Variants in DLD observed in about 807,000 individuals in gnomAD.
The protein encoded by DLD is dihydrolipoyl dehydrogenase, mitochondrial.
In DLD, 36 loss-of-function variants were observed where a neutral mutation model predicts 62.2. The ratio of observed to expected loss-of-function variants is 0.58; its 90% CI spans 0.44 to 0.76. The LOEUF is 0.76. Among genes scored for constraint, DLD ranks in the 30% least tolerant of loss-of-function variants. DLD has a pLI of 0.00. For synonymous variants in DLD, 204 were observed against 199.6 expected (o/e 1.02, Z -0.19); for missense variants, 541 against 608.6 (o/e 0.89, Z 1.17).
At chr7:107,909,839 C>CTTTTTTTTTTTTTTTT (rs71134292) in intron 8 of DLD, among the ~76,000 whole-genome samples, 1 of 73,052 alleles carries the variant, frequency 1.4e-5, no homozygotes, top group African/African-American at 6.5e-5. Context: ...GGAGAATTAA[C>CTTTTTTTTTTTTTTTT]TTTTTTTTTT....
At chr7:107,903,097 A>C (rs958061132) in intron 4 of DLD, among the ~76,000 whole-genome samples, 1 of 152,182 alleles carries the variant, frequency 6.6e-6, no homozygotes, top group Non-Finnish European at 1.5e-5. Flanking sequence ...TTGTGATGAG[A>C]ACATTTGAAA....
intron 2 of DLD, among the ~76,000 whole-genome samples, chr7:107,898,220 A>G (rs901585521): frequency 1.1e-4 from 17 of 148,454 alleles, no homozygotes; most frequent in Admixed American, 1.1e-3. Flanking sequence ...CCACTTTTCC[A>G]TCAGGTTTGC....
chr7:107,903,661 TAA>T (rs973224187), intron 5 of DLD, 114 bp downstream of exon 5: 4 of 597,958 alleles, frequency 6.7e-6, no homozygotes, highest in Non-Finnish European at 1.2e-5. Context: ...GAAGGAAGAG[TAA>T]AATAAATAAT....
At chr7:107,900,584 A>C (rs2031853221) in intron 2 of DLD, among the ~76,000 whole-genome samples, 1 of 152,120 alleles carries the variant, frequency 6.6e-6, no homozygotes, top group South Asian at 2.1e-4. Flanking sequence ...ATTTTAGTTT[A>C]TGATGGTTAA....
chr7:107,919,281 TTTTCTG>T lies in DLD; in HGVS notation c.*23_*28del, dbSNP rs2032352221. On this transcript the variant is annotated 3_prime_UTR_variant, in exon 14 of 14. Coordinates refer to ENST00000205402, the MANE Select transcript of DLD (RefSeq NM_000108.5). ...TTGAATTAGAAGATTATATATATTT[TTTTCTG>T]AAATTTCCTGGGAGCTTTTGTAGAA... 1.3e-6 allele frequency: 2 copies of T among 1,573,852 alleles called. No homozygotes were observed. The highest frequency in any genetic ancestry group is 1.7e-6 in the Non-Finnish European group (2 of 1,152,580).
Position 107,891,184 on chromosome 7 carries a change from T to G in DLD, c.-67T>G. On this transcript the variant is annotated 5_prime_UTR_variant, in exon 1 of 14. Transcript: ENST00000205402. The stretch of plus-strand genomic sequence containing the variant: ...TGTGCATGCGCAGGGAGGGGAGACC[T>G]TGGCGGAGCGGCGGAGGCGCCCAGC... The G allele has an allele frequency of 6.3e-7, 1 of 1,599,522 alleles. No homozygotes were observed. The highest frequency in any genetic ancestry group is 8.6e-7 in the Non-Finnish European group (1 of 1,167,968).
chr7:107,916,777 C>T lies in DLD; in HGVS notation c.876-17C>T, dbSNP rs1001072632. 6.2e-7 allele frequency: 1 copy of T among 1,611,348 alleles called. No homozygotes were observed. Among genetic ancestry groups the T allele is most frequent in the African/African-American group, 1.3e-5 (1 of 74,706 alleles). On this transcript the variant is annotated splice_polypyrimidine_tract_variant and intron_variant, in intron 9 of 13. Transcript: ENST00000205402. ...TGTAGGTGTGTATTTAACATTTATA[C>T]ACTGTTTGTTATCTAGTATTGAAGC...
intron 8 of DLD, among the ~76,000 whole-genome samples, chr7:107,909,631 A>G (rs2032090353): frequency 1.3e-5 from 2 of 152,140 alleles, no homozygotes; most frequent in South Asian, 2.1e-4. Flanking sequence ...TGTTTGGAAC[A>G]CTTGTGGTAG....
intron 13 of DLD, 34 bp downstream of exon 13, chr7:107,919,133 C>A: frequency 6.2e-7 from 1 of 1,611,530 alleles, no homozygotes; most frequent in Non-Finnish European, 8.5e-7. Context: ...TTGATGGTTG[C>A]CTAAATTTTC....
chr7:107,894,683 C>T (rs1010665398), intron 2 of DLD, among the ~76,000 whole-genome samples: 1 of 152,140 alleles, frequency 6.6e-6, no homozygotes, highest in Non-Finnish European at 1.5e-5. Context: ...TATTCAGTGC[C>T]TTCTATTTGC....
intron 8 of DLD, among the ~76,000 whole-genome samples, chr7:107,914,319 C>T (rs1202910564): frequency 6.6e-6 from 1 of 151,964 alleles, no homozygotes; most frequent in Non-Finnish European, 1.5e-5. Flanking sequence ...TTTTTTTCCC[C>T]AGTCTGTGGC....
At chr7:107,897,338 A>G (rs1214231898) in intron 2 of DLD, among the ~76,000 whole-genome samples, 1 of 152,228 alleles carries the variant, frequency 6.6e-6, no homozygotes, top group Admixed American at 6.5e-5. Context: ...AATGGTATAT[A>G]GGAGCACACA....
chr7:107,914,035 CAT>C (rs1417950612), intron 8 of DLD, among the ~76,000 whole-genome samples: 1 of 152,062 alleles, frequency 6.6e-6, no homozygotes, highest in African/African-American at 2.4e-5. Flanking sequence ...TATTGATTTA[CAT>C]ATGTTGAATC....
At position 107,917,300 on chromosome 7, in the gene DLD, T is replaced by C. The variant is rs768703850; in HGVS notation, c.1074T>C (p.Ala358=). ...TCTATGCCATTGGTGATGTAGTTGC[T>C]GGTCCAATGCTGGCTCACAAAGCAG... ...PNIYAIGDVV[A]GPMLAHKAED... The change falls in exon 11 of 14, where the codon GCT becomes GCC. Residue 358 remains alanine, a synonymous_variant. Coordinates refer to ENST00000205402, the MANE Select transcript of DLD (RefSeq NM_000108.5). 1 of 1,614,048 alleles carries C rather than the reference T, an allele frequency of 6.2e-7. No individual in the cohort carries two copies. Among genetic ancestry groups the C allele is most frequent in the African/African-American group, 1.3e-5 (1 of 74,928 alleles).
At chr7:107,912,849 G>C (rs2032176697) in intron 8 of DLD, among the ~76,000 whole-genome samples, 1 of 151,982 alleles carries the variant, frequency 6.6e-6, no homozygotes, top group Non-Finnish European at 1.5e-5. Flanking sequence ...ATGCTTTTGA[G>C]GTCTTACACA....
intron 1 of DLD, among the ~76,000 whole-genome samples, chr7:107,892,257 T>C (rs1024309388): frequency 6.6e-6 from 1 of 152,206 alleles, no homozygotes; most frequent in Admixed American, 6.5e-5. Context: ...CCTTAGGAAA[T>C]GGTAGCCGTC....
At chr7:107,905,224 T>C (rs1465025446) in intron 6 of DLD, 137 bp from the exon 7 acceptor site, 9 of 1,070,432 alleles carry the variant, frequency 8.4e-6, no homozygotes, top group Non-Finnish European at 1.2e-5. Context: ...ATTTTTTTGC[T>C]GCACCATGGT....
At position 107,902,311 on chromosome 7, in the gene DLD, T is replaced by A. The variant is rs1314932885; in HGVS notation, c.199-14T>A. On this transcript the variant is annotated splice_polypyrimidine_tract_variant and intron_variant, in intron 3 of 13. Coordinates refer to ENST00000205402, the MANE Select transcript of DLD (RefSeq NM_000108.5). ...AGGTTATGTGCAGTTAAATAATGTT[T>A]TCTTTGGTTGTAGACAGTCTGCATT... 1.9e-6 allele frequency: 3 copies of A among 1,611,540 alleles called. No individual in the cohort carries two copies. The highest frequency in any genetic ancestry group is 2.5e-6 in the Non-Finnish European group (3 of 1,177,756).
rs776872575 is a variant in DLD at position 107,893,252 on chromosome 7, C to G, written c.92C>G (p.Pro31Arg). The G allele has an allele frequency of 9.9e-6, 16 of 1,613,076 alleles. No individual in the cohort carries two copies. The South Asian group carries it at 1.7e-4, about 17-fold the overall frequency. Residue 31 changes from proline to arginine, a missense_variant, in exon 2 of 14, where the codon CCT (proline) becomes CGT (arginine). Pro to Arg is a moderately radical substitution (Grantham distance 103). Transcript: ENST00000205402. Reference sequence around the variant, plus strand: ...GGCCTACAGGGACTTTCTGCAGTGCCTCTGAGAACTTACGCAGATCAGCCG... The same window carrying G: ...GGCCTACAGGGACTTTCTGCAGTGCGTCTGAGAACTTACGCAGATCAGCCG... Reference protein sequence around the residue: ...SHGLQGLSAVPLRTYADQPID... With the variant: ...SHGLQGLSAVRLRTYADQPID...
Sources: allele counts gnomAD v4.1 joint callset (sites outside exome capture counted in the v4.1 genomes callset), GRCh38; gene constraint gnomAD v4.1.1; transcripts MANE v1.5; gene names NCBI Gene and HGNC (gene_info 2026-07-23, HGNC 2026-07-21).